NKAIN2: variants seen among roughly 807,000 people sequenced by gnomAD.
NKAIN2 encodes sodium/potassium transporting ATPase interacting 2.
Under a neutral mutation model 32.6 loss-of-function variants are expected in NKAIN2, and 14 were observed. The ratio of observed to expected loss-of-function variants is 0.43; its 90% CI spans 0.28 to 0.67. The LOEUF is 0.67. Ranked by LOEUF, NKAIN2 falls within the 30% of genes least tolerant of loss-of-function variation. The pLI is 0.17. For missense variants in NKAIN2, 198 were observed against 258.3 expected, an observed-to-expected ratio of 0.77 and a Z score of 1.60; for synonymous variants, 80 against 87.2, an observed-to-expected ratio of 0.92 and a Z score of 0.46.
chr6:124,229,906 A>T (rs1792357922), intron 1 of NKAIN2, among the ~76,000 whole-genome samples: 1 of 152,182 alleles, frequency 6.6e-6, no homozygotes. Flanking sequence ...GGACTAATAA[A>T]GTAAATTGGT....
intron 1 of NKAIN2, among the ~76,000 whole-genome samples, chr6:123,850,463 T>G (rs943015479): frequency 6.6e-6 from 1 of 152,022 alleles, no homozygotes; most frequent in African/African-American, 2.4e-5. Context: ...GAGAAGCAGT[T>G]AGAATTGAGG....
chr6:124,628,982 A>T (rs1020188437), intron 3 of NKAIN2, among the ~76,000 whole-genome samples: 6 of 152,300 alleles, frequency 3.9e-5, no homozygotes, highest in East Asian at 3.9e-4. Flanking sequence ...GTAAGAGGGA[A>T]AGTGTGAATG....
At chr6:124,213,693 A>G (rs1344103551) in intron 1 of NKAIN2, among the ~76,000 whole-genome samples, 2 of 152,160 alleles carry the variant, frequency 1.3e-5, no homozygotes, top group South Asian at 2.1e-4. Context: ...ATAAAAATAT[A>G]AAATGTGTAA....
At chr6:124,491,849 G>A (rs1276863911) in intron 3 of NKAIN2, among the ~76,000 whole-genome samples, 1 of 151,894 alleles carries the variant, frequency 6.6e-6, no homozygotes, top group Non-Finnish European at 1.5e-5. Context: ...GTTGTATCCA[G>A]TAAACTAAAA....
chr6:124,381,527 G>C lies in NKAIN2; in HGVS notation c.273+26180G>C, dbSNP rs187094627. ...AGGCACTTTGTATTTTGAGGCCTGC[G>C]TGTTACAGCCCTTAACTATAACCTA... On this transcript the variant is annotated intron_variant, in intron 3 of 6. Coordinates refer to ENST00000368417, the MANE Select transcript of NKAIN2 (RefSeq NM_001040214.3). Among the ~76,000 whole-genome samples the C allele has an allele frequency of 2.7e-3, 415 of 152,164 alleles. 2 individuals are homozygous for C. The highest frequency in any genetic ancestry group is 9.7e-3 in the African/African-American group (403 of 41,520).
chr6:123,986,563 C>T (rs927568036), intron 1 of NKAIN2, among the ~76,000 whole-genome samples: 3 of 152,052 alleles, frequency 2.0e-5, no homozygotes, highest in African/African-American at 7.2e-5. Context: ...TGTGGTTCTC[C>T]ACCTTGGCTC....
intron 1 of NKAIN2, among the ~76,000 whole-genome samples, chr6:124,021,132 A>G (rs1396103520): frequency 2.6e-5 from 4 of 152,066 alleles, no homozygotes; most frequent in South Asian, 2.1e-4. Flanking sequence ...GACTCATAAC[A>G]GTGAAATTAT....
At chr6:124,457,620 T>C (rs1463880653) in intron 3 of NKAIN2, among the ~76,000 whole-genome samples, 13 of 151,996 alleles carry the variant, frequency 8.6e-5, no homozygotes, top group Admixed American at 8.5e-4. Context: ...GCATATGTTC[T>C]GAGGCTAAGC....
At chr6:124,611,464 A>G (rs947506775) in intron 3 of NKAIN2, among the ~76,000 whole-genome samples, 3 of 152,042 alleles carry the variant, frequency 2.0e-5, no homozygotes, top group Non-Finnish European at 4.4e-5. Context: ...GTACCTGTCA[A>G]CCCATCATCT....
intron 3 of NKAIN2, among the ~76,000 whole-genome samples, chr6:124,638,040 C>T (rs1027515693): frequency 1.3e-5 from 2 of 152,098 alleles, no homozygotes; most frequent in Non-Finnish European, 2.9e-5. Flanking sequence ...AAAACCAAAA[C>T]ATAGTATTGG....
rs534289819 is a variant in NKAIN2, at chr6:124,251,540, T to C, written c.55-31465T>C. ...TCAGTAGAAGAATGGACTAAAGAAGTAAGCAGACATTTTACAAAAGAGGAA... is the reference window on the plus strand; with the variant it reads ...TCAGTAGAAGAATGGACTAAAGAAGCAAGCAGACATTTTACAAAAGAGGAA... On this transcript the variant is annotated intron_variant, in intron 1 of 6. Transcript: ENST00000368417. Among the ~76,000 whole-genome samples the C allele has an allele frequency of 2.6e-5, 4 of 152,092 alleles. No individual in the cohort carries two copies. In the South Asian group the frequency reaches 6.2e-4, roughly 24 times the overall value.
intron 1 of NKAIN2, among the ~76,000 whole-genome samples, chr6:124,200,482 A>G (rs1163834560): frequency 6.6e-6 from 1 of 152,108 alleles, no homozygotes; most frequent in African/African-American, 2.4e-5. Context: ...ATCATTAGAT[A>G]CTTATATTCA....
chr6:124,509,293 G>A (rs1327604646), intron 3 of NKAIN2, among the ~76,000 whole-genome samples: 1 of 152,160 alleles, frequency 6.6e-6, no homozygotes, highest in East Asian at 1.9e-4. Context: ...AAGGGTGGAT[G>A]AAGGAAAGAA....
At chr6:124,786,722 A>G in intron 4 of NKAIN2, among the ~76,000 whole-genome samples, 1 of 152,196 alleles carries the variant, frequency 6.6e-6, no homozygotes, top group East Asian at 1.9e-4. Context: ...GCTTTGAATG[A>G]CAAAGACTAA....
intron 3 of NKAIN2, among the ~76,000 whole-genome samples, chr6:124,430,105 C>T (rs1025562589): frequency 1.3e-5 from 2 of 151,964 alleles, no homozygotes; most frequent in Non-Finnish European, 2.9e-5. Context: ...ATGTAAATTG[C>T]CAAGTGCAAT....
chr6:124,664,287 GA>G (rs962079547), intron 4 of NKAIN2, among the ~76,000 whole-genome samples: 16 of 139,128 alleles, frequency 1.2e-4, no homozygotes, highest in African/African-American at 1.9e-4. Context: ...AAAAAAGAAA[GA>G]AAAAAAAAAG....
intron 4 of NKAIN2, among the ~76,000 whole-genome samples, chr6:124,684,166 A>G (rs1360343443): frequency 1.3e-5 from 2 of 152,196 alleles, no homozygotes; most frequent in Admixed American, 1.3e-4. Context: ...TGGTATCTTC[A>G]AAGGCAATAG....
At chr6:124,770,255 C>T (rs957252861) in intron 4 of NKAIN2, among the ~76,000 whole-genome samples, 3 of 152,172 alleles carry the variant, frequency 2.0e-5, no homozygotes, top group Non-Finnish European at 2.9e-5. Flanking sequence ...GATGCAACTC[C>T]AGCCCTTTTC....
At chr6:124,403,232 A>T (rs1773704837) in intron 3 of NKAIN2, among the ~76,000 whole-genome samples, 1 of 152,074 alleles carries the variant, frequency 6.6e-6, no homozygotes, top group South Asian at 2.1e-4. Flanking sequence ...CATATTTTAC[A>T]TTTTGATGCT....
Sources: gnomAD v4.1 joint callset for allele counts (sites outside exome capture counted in the v4.1 genomes callset) on GRCh38, gnomAD v4.1.1 for gene constraint, MANE v1.5 for transcripts, NCBI Gene and HGNC (gene_info 2026-07-23, HGNC 2026-07-21) for gene names.